Variants in PDCD2L observed in about 807,000 individuals in gnomAD.
The protein encoded by PDCD2L is programmed cell death 2 like, also known as uS5 assembly chaperone PDCD2L.
A neutral mutation model predicts 40.4 loss-of-function variants in PDCD2L; 44 were observed. The ratio of observed to expected loss-of-function variants is 1.09; its 90% CI spans 0.86 to 1.40. The LOEUF is 1.40. Among genes scored for constraint, PDCD2L ranks in the 40% most tolerant of loss-of-function variants. PDCD2L has a pLI of 0.00. For synonymous variants in PDCD2L, 194 were observed against 174.6 expected, an observed-to-expected ratio of 1.11 and a Z score of -0.88; for missense variants, 470 against 453.7, an observed-to-expected ratio of 1.04 and a Z score of -0.33.
chr19:34,413,615 G>A (rs1470030264), intron 4 of PDCD2L, 122 bp from the exon 5 acceptor site: 2 of 540,564 alleles, frequency 3.7e-6, no homozygotes, highest in African/African-American at 1.9e-5. Flanking sequence ...GAGATTACAG[G>A]CGTGAGCCAC....
intron 4 of PDCD2L, among the ~76,000 whole-genome samples, chr19:34,412,579 G>T (rs1456327226): frequency 6.6e-6 from 1 of 151,882 alleles, no homozygotes; most frequent in Admixed American, 6.6e-5. Context: ...TTAGCTGGAC[G>T]TGTTGGCGCA....
Position 34,413,969 on chromosome 19 carries a change from A to G in PDCD2L, c.797+122A>G. ...TACAGTATTCCCCAAACCAAGAGAG[A>G]ACCTAATACCTGCTTTATAGGACCT... On this transcript the variant is annotated intron_variant, in intron 5 of 6. Coordinates refer to ENST00000246535, the MANE Select transcript of PDCD2L (RefSeq NM_032346.2). 4.8e-6 allele frequency: 3 copies of G among 624,070 alleles called. No homozygotes were observed. In the South Asian group the frequency reaches 6.0e-5, roughly 13 times the overall value. The allele number at this position is 624,070 out of a possible 1,614,324, so 38.7% of individuals were successfully genotyped here.
chr19:34,408,004 C>G (rs1411509628), intron 3 of PDCD2L, among the ~76,000 whole-genome samples: 1 of 150,906 alleles, frequency 6.6e-6, no homozygotes, highest in African/African-American at 2.4e-5. Context: ...GCCTCTTGGG[C>G]CCAAGCCATT....
At chr19:34,419,935 A>T (rs2075142670) in intron 5 of PDCD2L, among the ~76,000 whole-genome samples, 1 of 151,216 alleles carries the variant, frequency 6.6e-6, no homozygotes, top group African/African-American at 2.4e-5. Context: ...GGCGTGCACC[A>T]CTATGTCTGG....
rs775623764 is a variant in PDCD2L, at chr19:34,423,898, AT to A, written c.947-2090del. Among the ~76,000 whole-genome samples, 6 of 152,120 alleles carry A rather than the reference AT, an allele frequency of 3.9e-5. 1 individual carries two copies. In the South Asian group the frequency reaches 1.0e-3, roughly 26 times the overall value. ...GCTTTTTTATTCCTGTTTTATTTTG[AT>A]TCTTTTTGCAGTAGCTGGATTTTCT... On this transcript the variant is annotated intron_variant, in intron 6 of 6. Coordinates refer to ENST00000246535, the MANE Select transcript of PDCD2L (RefSeq NM_032346.2).
chr19:34,408,238 A>G (rs927248672), intron 3 of PDCD2L, among the ~76,000 whole-genome samples: 3 of 152,190 alleles, frequency 2.0e-5, no homozygotes, highest in East Asian at 1.9e-4. Flanking sequence ...TGCTAGGCAT[A>G]GTATTAGCAG....
intron 5 of PDCD2L, among the ~76,000 whole-genome samples, chr19:34,417,043 G>A (rs2075129356): frequency 6.6e-6 from 1 of 152,104 alleles, no homozygotes; most frequent in Admixed American, 6.5e-5. Flanking sequence ...GAACCTGGGA[G>A]GTGGAGGTTG....
Position 34,421,860 on chromosome 19 carries a change from C to T in PDCD2L, c.946+193C>T, listed in dbSNP as rs558015899. The T allele has an allele frequency of 8.5e-4, 429 of 503,014 alleles. 2 individuals carry two copies. The highest frequency in any genetic ancestry group is 1.0e-3 in the Non-Finnish European group (315 of 306,646). 31.2% of individuals were successfully genotyped at this position (503,014 alleles called of 1,614,324 possible). On this transcript the variant is annotated intron_variant, in intron 6 of 6. Coordinates refer to ENST00000246535, the MANE Select transcript of PDCD2L (RefSeq NM_032346.2). ...ATCCCAGCACTTTGGGAGGCCAAGG[C>T]GGGTGGATCACAAGGTCAGGAGATC...
intron 3 of PDCD2L, among the ~76,000 whole-genome samples, chr19:34,407,240 C>T (rs544554357): frequency 4.3e-4 from 66 of 152,164 alleles, no homozygotes; most frequent in African/African-American, 1.1e-3. Flanking sequence ...CTCCCAGGTT[C>T]GAGCAATTCT....
chr19:34,421,404 T>C (rs1290954367), intron 5 of PDCD2L, 115 bp from the exon 6 acceptor site: 54 of 1,225,136 alleles, frequency 4.4e-5, no homozygotes, highest in Non-Finnish European at 5.2e-5. Flanking sequence ...TGCTAGGTTT[T>C]TGGGCCTCTG....
At chr19:34,411,970 A>T (rs2075105608) in intron 4 of PDCD2L, among the ~76,000 whole-genome samples, 1 of 145,846 alleles carries the variant, frequency 6.9e-6, no homozygotes, top group Admixed American at 7.0e-5. Context: ...ATACATATAT[A>T]TATATATATA....
At chr19:34,417,752 G>A (rs2075132550) in intron 5 of PDCD2L, among the ~76,000 whole-genome samples, 1 of 152,166 alleles carries the variant, frequency 6.6e-6, no homozygotes, top group Admixed American at 6.5e-5. Context: ...ATCTTTGAAG[G>A]GTTGATAAAT....
intron 3 of PDCD2L, among the ~76,000 whole-genome samples, chr19:34,408,186 G>T (rs2075085797): frequency 6.6e-6 from 1 of 152,146 alleles, no homozygotes; most frequent in Admixed American, 6.6e-5. Context: ...GGGATTACAG[G>T]CGTGAGACAC....
rs559263314 is a variant in PDCD2L, at chr19:34,419,543, AGGCTG to A, written c.798-1974_798-1970del. ...AGATGGGTGTCTCACTATGTGGCCT[AGGCTG>A]GTCTTGAACTCCTGGACTCAAGCAG... is the stretch of plus-strand genomic sequence containing the variant. On this transcript the variant is annotated intron_variant, in intron 5 of 6. Coordinates refer to ENST00000246535, the MANE Select transcript of PDCD2L (RefSeq NM_032346.2). Among the ~76,000 whole-genome samples, 901 of 148,934 alleles carry A rather than the reference AGGCTG, an allele frequency of 6.0e-3. 6 individuals carry two copies. Among genetic ancestry groups the A allele is most frequent in the African/African-American group, 0.021 (852 of 40,398 alleles).
chr19:34,409,001 G>C, intron 3 of PDCD2L, 160 bp from the exon 4 acceptor site: 1 of 632,774 alleles, frequency 1.6e-6, no homozygotes, highest in Non-Finnish European at 2.8e-6. Flanking sequence ...ACGTGCTTTT[G>C]AGTACATAGG....
intron 4 of PDCD2L, 105 bp from the exon 5 acceptor site, chr19:34,413,632 T>A (rs934355197): frequency 2.6e-5 from 17 of 657,604 alleles, no homozygotes; most frequent in Non-Finnish European, 4.1e-5. Context: ...CCACTGCGCC[T>A]GCCCTGATAA....
intron 3 of PDCD2L, among the ~76,000 whole-genome samples, chr19:34,407,190 G>A (rs1050933954): frequency 6.7e-6 from 1 of 150,062 alleles, no homozygotes; most frequent in Non-Finnish European, 1.5e-5. Context: ...TTGCCAGGCC[G>A]GAGTGCAGTA....
intron 5 of PDCD2L, among the ~76,000 whole-genome samples, chr19:34,416,817 GC>G (rs751873963): frequency 5.5e-4 from 84 of 152,166 alleles, no homozygotes; most frequent in Non-Finnish European, 1.1e-3. Context: ...AACCAAGTCT[GC>G]CAGAAAATAT....
At chr19:34,425,531 TTG>T (rs1325017002) in intron 6 of PDCD2L, among the ~76,000 whole-genome samples, 1 of 149,790 alleles carries the variant, frequency 6.7e-6, no homozygotes. Context: ...TATATATATT[TTG>T]TTTGTTTGTT....
Sources: gnomAD v4.1 joint callset for allele counts (sites outside exome capture counted in the v4.1 genomes callset) on GRCh38, gnomAD v4.1.1 for gene constraint, MANE v1.5 for transcripts, NCBI Gene and HGNC (gene_info 2026-07-23, HGNC 2026-07-21) for gene names.